NELL1: variants seen among roughly 807,000 people sequenced by gnomAD.
NELL1 encodes neural EGFL like 1.
In NELL1, 76 loss-of-function variants were observed where a neutral mutation model predicts 107.4. The ratio of observed to expected loss-of-function variants is 0.71; its 90% confidence interval spans 0.59 to 0.86. The LOEUF (loss-of-function observed/expected upper bound fraction) is 0.86, where lower values mean the gene tolerates loss of function less well. Ranked by LOEUF, NELL1 falls within the 40% of genes least tolerant of loss-of-function variation. The pLI is 0.00. For missense variants in NELL1, 1,024 were observed against 1,005.5 expected (o/e 1.02, Z -0.25); for synonymous variants, 353 against 341.2 (o/e 1.03, Z -0.38).
chr11:21,149,967 A>G (rs538722448), intron 13 of NELL1, among the ~76,000 whole-genome samples: 2 of 152,266 alleles, frequency 1.3e-5, no homozygotes, highest in East Asian at 3.9e-4. Flanking sequence ...AGATTAGTTG[A>G]TTAGGGAAGG....
At chr11:21,267,585 T>C (rs1043563341) in intron 14 of NELL1, among the ~76,000 whole-genome samples, 1 of 151,822 alleles carries the variant, frequency 6.6e-6, no homozygotes, top group Non-Finnish European at 1.5e-5. Context: ...GTGTGTGTGT[T>C]TGGTTTTCAT....
chr11:21,086,949 C>T (rs1854406877), intron 12 of NELL1, among the ~76,000 whole-genome samples: 1 of 151,626 alleles, frequency 6.6e-6, no homozygotes, highest in Non-Finnish European at 1.5e-5. Context: ...AGTGATTCTC[C>T]TGCCTCAGCC....
At chr11:20,970,990 T>C (rs1034045884) in intron 12 of NELL1, among the ~76,000 whole-genome samples, 2 of 152,210 alleles carry the variant, frequency 1.3e-5, no homozygotes, top group African/African-American at 4.8e-5. Context: ...TAAAGCATCG[T>C]TGAGGTCATA....
chr11:20,993,565 C>T (rs145252428), intron 12 of NELL1, among the ~76,000 whole-genome samples: 94 of 152,156 alleles, frequency 6.2e-4, no homozygotes, highest in Middle Eastern at 3.4e-3. Flanking sequence ...GGTTTCAGGA[C>T]CCCCTCAAGG....
chr11:20,965,004 G>A (rs769067467), intron 12 of NELL1, among the ~76,000 whole-genome samples: 5 of 152,146 alleles, frequency 3.3e-5, no homozygotes, highest in East Asian at 1.9e-4. Flanking sequence ...TACCTTGTGC[G>A]TAATAGCGTA....
intron 12 of NELL1, among the ~76,000 whole-genome samples, chr11:21,066,038 TA>T (rs1174274350): frequency 1.3e-5 from 2 of 152,230 alleles, no homozygotes; most frequent in Admixed American, 1.3e-4. Context: ...GTGGTATTCT[TA>T]GTTTCACTTT....
intron 13 of NELL1, among the ~76,000 whole-genome samples, chr11:21,131,308 C>T (rs1480397277): frequency 6.6e-6 from 1 of 152,216 alleles, no homozygotes; most frequent in East Asian, 1.9e-4. Context: ...TTATTATCCA[C>T]CTATTAAGCA....
intron 12 of NELL1, among the ~76,000 whole-genome samples, chr11:20,979,886 G>GTACCCCAT (rs1337652334): frequency 3.3e-5 from 5 of 152,080 alleles, no homozygotes; most frequent in Admixed American, 2.0e-4. Flanking sequence ...GGTTATTTCT[G>GTACCCCAT]TACCCCATTT....
At chr11:20,899,310 G>A (rs929742732) in intron 5 of NELL1, among the ~76,000 whole-genome samples, 8 of 152,074 alleles carry the variant, frequency 5.3e-5, no homozygotes, top group Non-Finnish European at 8.8e-5. Flanking sequence ...GTGCAGTTAC[G>A]TTAGAAATAA....
intron 14 of NELL1, among the ~76,000 whole-genome samples, chr11:21,344,934 T>TTTTAATAA (rs1179540811): frequency 6.6e-6 from 1 of 152,214 alleles, no homozygotes; most frequent in Non-Finnish European, 1.5e-5. Context: ...AATCCTTTAA[T>TTTTAATAA]TTTAATAATT....
intron 12 of NELL1, among the ~76,000 whole-genome samples, chr11:21,107,878 A>T (rs1174073352): frequency 2.0e-5 from 3 of 152,200 alleles, no homozygotes; most frequent in African/African-American, 2.4e-5. Context: ...AGCTAAATGA[A>T]AAAGCAAGAA....
intron 2 of NELL1, among the ~76,000 whole-genome samples, chr11:20,755,539 T>TTTTTTTTTTATTTTTA (rs753158538): frequency 8.6e-6 from 1 of 116,172 alleles, no homozygotes; most frequent in Non-Finnish European, 1.7e-5. Context: ...TGTGGGTTTT[T>TTTTTTTTTTATTTTTA]GTTTTTTTTT....
At chr11:21,035,479 A>G (rs570585786) in intron 12 of NELL1, among the ~76,000 whole-genome samples, 1 of 152,058 alleles carries the variant, frequency 6.6e-6, no homozygotes, top group South Asian at 2.1e-4. Context: ...TCCTAAAAAA[A>G]AAAAAAAAAT....
chr11:21,542,457 A>C (rs1856314246), intron 16 of NELL1, among the ~76,000 whole-genome samples: 1 of 152,104 alleles, frequency 6.6e-6, no homozygotes, highest in African/African-American at 2.4e-5. Flanking sequence ...ATGGACAGTT[A>C]CAATATTATC....
intron 15 of NELL1, among the ~76,000 whole-genome samples, chr11:21,487,388 T>A (rs1590970491): frequency 6.6e-6 from 1 of 152,224 alleles, no homozygotes; most frequent in East Asian, 1.9e-4. Context: ...ATAAAGTCTT[T>A]CCCAGAGAAG....
In NELL1 at chr11:20,753,143, T is replaced by A. The variant is rs184303816; in HGVS notation, c.185-30537T>A. On this transcript the variant is annotated intron_variant, in intron 2 of 19. Coordinates refer to ENST00000357134, the MANE Select transcript of NELL1 (RefSeq NM_006157.5). ...ATTTCTAATCCTGAGCCCAGATGAA[T>A]CTCATCCAAAGAAACAGAACAAATT... Among the ~76,000 whole-genome samples, 257 of 152,306 alleles carry A rather than the reference T, an allele frequency of 1.7e-3. 1 individual carries two copies. Among genetic ancestry groups the A allele is most frequent in the African/African-American group, 5.8e-3 (242 of 41,580 alleles).
At chr11:21,407,246 T>C (rs1256066707) in intron 15 of NELL1, among the ~76,000 whole-genome samples, 1 of 151,946 alleles carries the variant, frequency 6.6e-6, no homozygotes, top group Non-Finnish European at 1.5e-5. Flanking sequence ...TGAAACCCTG[T>C]CTCTACCAAA....
At chr11:21,228,892 A>G (rs567167851) in intron 13 of NELL1, among the ~76,000 whole-genome samples, 1 of 151,684 alleles carries the variant, frequency 6.6e-6, no homozygotes, top group East Asian at 1.9e-4. Context: ...GCTTAGCAGC[A>G]TTCCTGGCCT....
chr11:21,099,372 G>T (rs1406980953), intron 12 of NELL1, among the ~76,000 whole-genome samples: 2 of 152,092 alleles, frequency 1.3e-5, no homozygotes, highest in African/African-American at 4.8e-5. Flanking sequence ...GCAGGGAGCA[G>T]CAGTCCATGG....
Sources: gnomAD v4.1 joint callset for allele counts (sites outside exome capture counted in the v4.1 genomes callset) on GRCh38, gnomAD v4.1.1 for gene constraint, MANE v1.5 for transcripts, NCBI Gene and HGNC (gene_info 2026-07-23, HGNC 2026-07-21) for gene names.